Variants in EYA4 observed in about 807,000 individuals in gnomAD.
EYA4 encodes EYA transcriptional coactivator and phosphatase 4.
A neutral mutation model predicts 87.9 loss-of-function variants in EYA4; 31 were observed. The ratio of observed to expected loss-of-function variants is 0.35; its 90% confidence interval spans 0.27 to 0.48. EYA4 has a LOEUF of 0.48. Among genes scored for constraint, EYA4 ranks in the 20% least tolerant of loss-of-function variants. The pLI is 0.99. For synonymous variants in EYA4, 263 were observed against 270.6 expected, an observed-to-expected ratio of 0.97 and a Z score of 0.28; for missense variants, 678 against 761.4, an observed-to-expected ratio of 0.89 and a Z score of 1.29.
Position 133,418,544 on chromosome 6 carries a change from A to G in EYA4, c.84-28086A>G, listed in dbSNP as rs141856812. ...AATATATACAGATGCATATATATAC[A>G]CATACATTATATATACACACAAATA... On this transcript the variant is annotated intron_variant, in intron 3 of 19. Coordinates refer to ENST00000355286, the MANE Select transcript of EYA4 (RefSeq NM_004100.5). Among the ~76,000 whole-genome samples the G allele has an allele frequency of 4.5e-3, 682 of 152,364 alleles. 12 individuals are homozygous for G. Among genetic ancestry groups the G allele is most frequent in the African/African-American group, 0.015 (637 of 41,588 alleles).
chr6:133,408,798 A>C (rs1160555326), intron 3 of EYA4, among the ~76,000 whole-genome samples: 1 of 152,222 alleles, frequency 6.6e-6, no homozygotes, highest in Admixed American at 6.5e-5. Context: ...TATTCACCAG[A>C]CAAGAATATG....
rs1191157047 is a variant in EYA4, at chr6:133,468,730, A to T, written c.969A>T (p.Pro323=). The change falls in exon 11 of 20, where the codon CCA becomes CCT. Residue 323 remains proline, a splice_region_variant and synonymous_variant. Coordinates refer to ENST00000355286, the MANE Select transcript of EYA4 (RefSeq NM_004100.5). ...CTCTCCCAGGACTGACTAACCAACCAGGTACAGATCTTCACCCAGGTGAAA... is the reference window on the plus strand; with the variant it reads ...CTCTCCCAGGACTGACTAACCAACCTGGTACAGATCTTCACCCAGGTGAAA... ...QESLPGLTNQ[P]GEFDTMQSPS... The T allele has an allele frequency of 1.9e-6, 3 of 1,612,790 alleles. No individual in the cohort carries two copies. Among genetic ancestry groups the T allele is most frequent in the Non-Finnish European group, 2.5e-6 (3 of 1,179,160 alleles).
chr6:133,348,471 CG>C (rs768343712), intron 2 of EYA4, among the ~76,000 whole-genome samples: 1 of 151,604 alleles, frequency 6.6e-6, no homozygotes, highest in East Asian at 1.9e-4. Context: ...TTCACCATAT[CG>C]GCCAGGCTGG....
intron 6 of EYA4, among the ~76,000 whole-genome samples, chr6:133,458,319 T>C (rs1794081441): frequency 6.6e-6 from 1 of 152,136 alleles, no homozygotes; most frequent in Non-Finnish European, 1.5e-5. Flanking sequence ...ATTTTGAAAA[T>C]CATCAAGTAC....
chr6:133,282,345 A>T (rs907263919), intron 2 of EYA4, among the ~76,000 whole-genome samples: 2 of 152,092 alleles, frequency 1.3e-5, no homozygotes, highest in African/African-American at 2.4e-5. Flanking sequence ...ATCATTAGTG[A>T]TGTTAAGCAT....
chr6:133,362,046 T>C (rs1411046306), intron 2 of EYA4, among the ~76,000 whole-genome samples: 1 of 152,224 alleles, frequency 6.6e-6, no homozygotes, highest in Non-Finnish European at 1.5e-5. Flanking sequence ...TTGTAACCAC[T>C]ATAGGTAGAA....
intron 12 of EYA4, among the ~76,000 whole-genome samples, chr6:133,482,259 C>T (rs982994982): frequency 1.3e-5 from 2 of 152,180 alleles, no homozygotes; most frequent in East Asian, 1.9e-4. Flanking sequence ...AAGTGACAGA[C>T]GTTGTGATTC....
At chr6:133,413,231 C>A (rs954844403) in intron 3 of EYA4, among the ~76,000 whole-genome samples, 2 of 152,126 alleles carry the variant, frequency 1.3e-5, no homozygotes, top group Non-Finnish European at 2.9e-5. Context: ...TTAAAAACTT[C>A]TCCACTCTCC....
At chr6:133,429,967 C>A (rs1208352156) in intron 3 of EYA4, among the ~76,000 whole-genome samples, 1 of 152,148 alleles carries the variant, frequency 6.6e-6, no homozygotes, top group African/African-American at 2.4e-5. Context: ...GATCCCATCA[C>A]CCAGATTGTG....
At chr6:133,481,349 T>G in intron 11 of EYA4, 114 bp from the exon 12 acceptor site, 1 of 1,011,118 alleles carries the variant, frequency 9.9e-7, no homozygotes, top group Non-Finnish European at 1.5e-6. Context: ...AATCTCTTTT[T>G]TGCCATCAGG....
intron 17 of EYA4, among the ~76,000 whole-genome samples, chr6:133,521,472 C>G (rs1194729310): frequency 7.3e-6 from 1 of 137,154 alleles, no homozygotes; most frequent in Non-Finnish European, 1.6e-5. Flanking sequence ...ACAACAGGTG[C>G]TGGAGAGGAT....
chr6:133,347,696 G>A (rs1288812359), intron 2 of EYA4, among the ~76,000 whole-genome samples: 1 of 152,098 alleles, frequency 6.6e-6, no homozygotes, highest in Non-Finnish European at 1.5e-5. Flanking sequence ...ATAGATAACT[G>A]TTGTTATGCC....
chr6:133,255,518 T>G (rs1300488541), intron 1 of EYA4, among the ~76,000 whole-genome samples: 2 of 152,178 alleles, frequency 1.3e-5, no homozygotes, highest in South Asian at 4.1e-4. Context: ...AATACGGATA[T>G]ATTTAAAGTA....
At chr6:133,347,926 G>C (rs1267503294) in intron 2 of EYA4, among the ~76,000 whole-genome samples, 1 of 152,130 alleles carries the variant, frequency 6.6e-6, no homozygotes, top group Non-Finnish European at 1.5e-5. Context: ...GCTCACATTA[G>C]AGAATTATTT....
At chr6:133,388,125 C>T (rs1048787645) in intron 3 of EYA4, among the ~76,000 whole-genome samples, 2 of 152,070 alleles carry the variant, frequency 1.3e-5, no homozygotes, top group African/African-American at 4.8e-5. Flanking sequence ...AAAACAGTCT[C>T]GGCCGGGCAC....
At chr6:133,492,855 A>G (rs1292696720) in intron 13 of EYA4, among the ~76,000 whole-genome samples, 2 of 152,318 alleles carry the variant, frequency 1.3e-5, no homozygotes, top group African/African-American at 2.4e-5. Flanking sequence ...GCTATTTATA[A>G]TAGCTACATA....
intron 3 of EYA4, among the ~76,000 whole-genome samples, chr6:133,401,731 C>A (rs1313598669): frequency 6.6e-6 from 1 of 152,158 alleles, no homozygotes; most frequent in Non-Finnish European, 1.5e-5. Flanking sequence ...CTGTTTGACA[C>A]ATAGTTAACA....
chr6:133,481,687 A>C (rs935734031), intron 12 of EYA4, 88 bp downstream of exon 12: 3 of 1,461,374 alleles, frequency 2.1e-6, no homozygotes, highest in Non-Finnish European at 2.9e-6. Context: ...ATTATGTTTC[A>C]AATTTAAAAA....
intron 2 of EYA4, among the ~76,000 whole-genome samples, chr6:133,374,373 C>T (rs778348539): frequency 2.0e-5 from 3 of 151,978 alleles, no homozygotes; most frequent in African/African-American, 4.8e-5. Context: ...GGAAGGCCCT[C>T]GCATTAAAGG....
Sources: gnomAD v4.1 joint callset for allele counts (sites outside exome capture counted in the v4.1 genomes callset) on GRCh38, gnomAD v4.1.1 for gene constraint, MANE v1.5 for transcripts, NCBI Gene and HGNC (gene_info 2026-07-23, HGNC 2026-07-21) for gene names.